IGFL2: variants seen among roughly 807,000 people sequenced by gnomAD.
IGFL2 encodes the protein insulin growth factor-like family member 2.
In IGFL2, 7 loss-of-function variants were observed where a neutral mutation model predicts 13.9. The observed-to-expected ratio is 0.51, with a 90% CI of 0.29 to 0.95. IGFL2 has a LOEUF of 0.95. IGFL2 is among the 40% of genes least tolerant of loss of function. The pLI is 0.08. For synonymous variants in IGFL2, 55 were observed against 55.8 expected, an observed-to-expected ratio of 0.99 and a Z score of 0.07; for missense variants, 138 against 147.8, an observed-to-expected ratio of 0.93 and a Z score of 0.34.
downstream of IGFL2, among the ~76,000 whole-genome samples, chr19:46,163,244 C>A (rs922580809): frequency 1.1e-4 from 17 of 152,168 alleles, no homozygotes; most frequent in Non-Finnish European, 1.5e-5. Context: ...TGACTTGGGA[C>A]TCCTGGGCTG....
At chr19:46,193,399 A>G in the IGFL2 span, among the ~76,000 whole-genome samples, 11 of 152,190 alleles carry the variant, frequency 7.2e-5, no homozygotes, top group African/African-American at 2.6e-4. Flanking sequence ...CTGTCATGCT[A>G]TTGCAGTGTT....
upstream of IGFL2, chr19:46,148,177 C>A: frequency 9.6e-7 from 1 of 1,039,540 alleles, no homozygotes; most frequent in Non-Finnish European, 1.4e-6. Flanking sequence ...TGCTTCTGGG[C>A]ACCTCCCTAA....
At chr19:46,092,773 G>T in the IGFL2 span, among the ~76,000 whole-genome samples, 1 of 151,902 alleles carries the variant, frequency 6.6e-6, no homozygotes, top group Admixed American at 6.6e-5. Flanking sequence ...GAGCCATCAT[G>T]CCTGTCTGTA....
the IGFL2 span, among the ~76,000 whole-genome samples, chr19:46,206,221 C>G: frequency 6.6e-6 from 1 of 152,190 alleles, no homozygotes; most frequent in Admixed American, 6.5e-5. Flanking sequence ...TCACCCACTG[C>G]TGTTTTCTCT....
chr19:46,124,117 G>A, the IGFL2 span: 1 of 1,610,998 alleles, frequency 6.2e-7, no homozygotes, highest in Non-Finnish European at 8.5e-7. Context: ...ACACCTGGGT[G>A]TCGGCTGGCA....
the IGFL2 span, chr19:46,173,822 G>T: frequency 1.3e-5 from 2 of 152,248 alleles, no homozygotes; most frequent in African/African-American, 4.8e-5. Flanking sequence ...ACCAGAGCTA[G>T]ATTGTGCCCC....
the IGFL2 span, among the ~76,000 whole-genome samples, chr19:46,078,857 CA>C: frequency 2.0e-5 from 3 of 148,140 alleles, no homozygotes; most frequent in Non-Finnish European, 4.5e-5. Context: ...AGACATCGCG[CA>C]GGCGTCGTCA....
At chr19:46,197,571 G>C in the IGFL2 span, among the ~76,000 whole-genome samples, 1 of 152,126 alleles carries the variant, frequency 6.6e-6, no homozygotes, top group Non-Finnish European at 1.5e-5. Flanking sequence ...TTCAGTGTCA[G>C]CTCAGACTGG....
chr19:46,139,708 G>T (rs78194066), upstream of IGFL2, among the ~76,000 whole-genome samples: 3 of 152,214 alleles, frequency 2.0e-5, no homozygotes, highest in East Asian at 5.8e-4. Context: ...GTTCACAACT[G>T]TGGTGAAAGA....
the IGFL2 span, among the ~76,000 whole-genome samples, chr19:46,101,597 G>A: frequency 5.3e-5 from 8 of 152,352 alleles, no homozygotes; most frequent in African/African-American, 9.6e-5. Context: ...CGGCAGCCCC[G>A]AGCTGTAGTG....
At chr19:46,082,750 C>T in the IGFL2 span, among the ~76,000 whole-genome samples, 4 of 151,804 alleles carry the variant, frequency 2.6e-5, no homozygotes, top group African/African-American at 9.7e-5. Context: ...TTGATAGGAA[C>T]GTTATTTTGA....
At chr19:46,078,714 TC>T in the IGFL2 span, among the ~76,000 whole-genome samples, 31 of 152,320 alleles carry the variant, frequency 2.0e-4, no homozygotes, top group African/African-American at 6.3e-4. Context: ...ACGCACTCTC[TC>T]TGGGGGTATT....
the IGFL2 span, chr19:46,120,488 A>G: frequency 1.6e-6 from 2 of 1,285,568 alleles, no homozygotes; most frequent in Non-Finnish European, 2.1e-6. Flanking sequence ...GTAGATATCA[A>G]CAGAAGGACA....
chr19:46,141,146 A>G (rs934564033), upstream of IGFL2, among the ~76,000 whole-genome samples: 21 of 152,322 alleles, frequency 1.4e-4, no homozygotes, highest in African/African-American at 3.4e-4. Flanking sequence ...CCTTACCTCT[A>G]TCTTCCAAGG....
At chr19:46,189,179 G>A in the IGFL2 span, 1 of 153,612 alleles carries the variant, frequency 6.5e-6, no homozygotes, top group Admixed American at 6.5e-5. Flanking sequence ...GATAGGTAAG[G>A]TCATGTGGGT....
the IGFL2 span, among the ~76,000 whole-genome samples, chr19:46,123,608 A>C: frequency 2.6e-5 from 4 of 150,944 alleles, no homozygotes; most frequent in Admixed American, 6.6e-5. Context: ...TACATCAGGA[A>C]GGCAACTGCA....
At chr19:46,130,743 C>A in the IGFL2 span, among the ~76,000 whole-genome samples, 1 of 152,094 alleles carries the variant, frequency 6.6e-6, no homozygotes, top group Non-Finnish European at 1.5e-5. Flanking sequence ...ATGTATAGTT[C>A]CTTTTCTGTA....
chr19:46,199,254 T>A, the IGFL2 span, among the ~76,000 whole-genome samples: 3 of 152,114 alleles, frequency 2.0e-5, no homozygotes, highest in Admixed American at 1.3e-4. Flanking sequence ...GATGGGAGAA[T>A]TAAACAAATG....
At chr19:46,201,031 C>G in the IGFL2 span, among the ~76,000 whole-genome samples, 1 of 152,164 alleles carries the variant, frequency 6.6e-6, no homozygotes, top group Non-Finnish European at 1.5e-5. Flanking sequence ...TAAAATGTTG[C>G]CACCCTTAGT....
Sources: gnomAD v4.1 joint callset for allele counts (sites outside exome capture counted in the v4.1 genomes callset) on GRCh38, gnomAD v4.1.1 for gene constraint, MANE v1.5 for transcripts, NCBI Gene and HGNC (gene_info 2026-07-23, HGNC 2026-07-21) for gene names.